EDIL3: variants seen among roughly 807,000 people sequenced by gnomAD.
The protein encoded by EDIL3 is EGF like and discoidin domains 3.
In EDIL3, 37 loss-of-function variants were observed where a neutral mutation model predicts 67.4. That is an observed-to-expected ratio of 0.55 (90% confidence interval 0.42 to 0.72). The LOEUF is 0.72. Ranked by LOEUF, EDIL3 falls within the 30% of genes least tolerant of loss-of-function variation. EDIL3 has a pLI of 0.00. For synonymous variants in EDIL3, 195 were observed against 196.3 expected (o/e 0.99, Z 0.05); for missense variants, 527 against 586.3 (o/e 0.90, Z 1.04).
intron 1 of EDIL3, among the ~76,000 whole-genome samples, chr5:84,290,382 C>A (rs1194277852): frequency 1.3e-5 from 2 of 152,150 alleles, no homozygotes; most frequent in African/African-American, 4.8e-5. Flanking sequence ...ACATCAATCT[C>A]CATTTCAGAC....
In EDIL3 at chr5:84,001,347, C is replaced by A. The variant is rs551840834; in HGVS notation, c.1138-37987G>T. 1.5e-4 allele frequency among the ~76,000 whole-genome samples: 23 copies of A among 152,178 alleles called. No homozygotes were observed. In the East Asian group the frequency reaches 3.7e-3, roughly 24 times the overall value. ...TCACAAAATGCTGGGTGGCTGTGAG[C>A]CACCGCACCTGGCCAAAACTTCAAA... On this transcript the variant is annotated intron_variant, in intron 9 of 10. Transcript: ENST00000296591.
At chr5:83,966,783 T>G (rs921318365) in intron 9 of EDIL3, among the ~76,000 whole-genome samples, 2 of 152,036 alleles carry the variant, frequency 1.3e-5, no homozygotes, top group Non-Finnish European at 1.5e-5. Flanking sequence ...ATGGAAGACT[T>G]TGGTAACATC....
In EDIL3 at chr5:84,356,742, G is replaced by T. The variant is rs146850850; in HGVS notation, c.67+27566C>A. ...TTCTGCCTACCACAATCAGATAAAT[G>T]CAGTGCTCTTATTTCTTCTTTCATG... On this transcript the variant is annotated intron_variant, in intron 1 of 10. Transcript: ENST00000296591. Among the ~76,000 whole-genome samples, 7 of 152,182 alleles carry T rather than the reference G, an allele frequency of 4.6e-5. No individual in the cohort carries two copies. In the East Asian group the frequency reaches 1.4e-3, roughly 29 times the overall value.
intron 4 of EDIL3, among the ~76,000 whole-genome samples, chr5:84,157,304 T>A (rs1036310485): frequency 1.3e-5 from 2 of 151,954 alleles, no homozygotes; most frequent in Non-Finnish European, 2.9e-5. Context: ...CCTGCACATG[T>A]ACCCCTGAAC....
At chr5:84,069,557 G>GT (rs201568029) in intron 6 of EDIL3, among the ~76,000 whole-genome samples, 78 of 150,584 alleles carry the variant, frequency 5.2e-4, no homozygotes, top group Admixed American at 9.9e-4. Flanking sequence ...TAAGTTTTTG[G>GT]TTTTTTTTTA....
chr5:84,040,094 T>C (rs1746092291), intron 9 of EDIL3, among the ~76,000 whole-genome samples: 1 of 152,198 alleles, frequency 6.6e-6, no homozygotes, highest in Non-Finnish European at 1.5e-5. Context: ...CAGATGGATT[T>C]GCCCATTGTC....
chr5:84,074,641 A>G (rs1306938805), intron 6 of EDIL3, among the ~76,000 whole-genome samples: 1 of 151,824 alleles, frequency 6.6e-6, no homozygotes, highest in East Asian at 1.9e-4. Flanking sequence ...AATCAAAACC[A>G]CAATGAGATA....
intron 9 of EDIL3, among the ~76,000 whole-genome samples, chr5:84,014,515 C>T (rs559559496): frequency 5.3e-5 from 8 of 152,154 alleles, no homozygotes; most frequent in East Asian, 1.9e-4. Context: ...CATGATGACA[C>T]GCGCCTGTAG....
chr5:84,253,511 G>T (rs72776577), intron 2 of EDIL3, among the ~76,000 whole-genome samples: 1 of 151,956 alleles, frequency 6.6e-6, no homozygotes, highest in African/African-American at 2.4e-5. Flanking sequence ...TACATATTTC[G>T]CAGATTTTTT....
chr5:84,196,721 C>A (rs1247942821), intron 3 of EDIL3, among the ~76,000 whole-genome samples: 1 of 152,024 alleles, frequency 6.6e-6, no homozygotes, highest in East Asian at 1.9e-4. Context: ...CGATCAAAAT[C>A]TGGAATTAGT....
At position 84,384,432 on chromosome 5, in the gene EDIL3, AG is replaced by A; in HGVS notation, c.-59del. On this transcript the variant is annotated 5_prime_UTR_variant, in exon 1 of 11. Transcript: ENST00000296591. ...CAGGGGTCGTCGCGGAGGGCAGTGTAGCCGAGGTGGCAGCGCAGGGCAGCAG... is the reference window on the plus strand; with the variant it reads ...CAGGGGTCGTCGCGGAGGGCAGTGTACCGAGGTGGCAGCGCAGGGCAGCAG... 6.3e-7 allele frequency: 1 copy of A among 1,585,858 alleles called. No homozygotes were observed. Among genetic ancestry groups the A allele is most frequent in the East Asian group, 2.3e-5 (1 of 44,366 alleles).
chr5:84,230,763 A>G (rs951106458), intron 2 of EDIL3, among the ~76,000 whole-genome samples: 9 of 137,130 alleles, frequency 6.6e-5, no homozygotes, highest in Non-Finnish European at 1.1e-4. Flanking sequence ...CCACTACGTG[A>G]TGTGTGTGTG....
At chr5:84,202,030 T>C (rs1743852575) in intron 3 of EDIL3, among the ~76,000 whole-genome samples, 1 of 152,196 alleles carries the variant, frequency 6.6e-6, no homozygotes, top group Admixed American at 6.5e-5. Context: ...GCTAGTCTAG[T>C]CATTAAGACT....
At chr5:84,271,147 T>G (rs1408476867) in intron 1 of EDIL3, among the ~76,000 whole-genome samples, 1 of 152,188 alleles carries the variant, frequency 6.6e-6, no homozygotes, top group Non-Finnish European at 1.5e-5. Context: ...ACATTATTAA[T>G]AAGTATTGTA....
chr5:83,994,774 T>G (rs893863052), intron 9 of EDIL3, among the ~76,000 whole-genome samples: 34 of 152,214 alleles, frequency 2.2e-4, no homozygotes, highest in African/African-American at 7.5e-4. Context: ...CAGTTTGTTT[T>G]TTAAGGAAAC....
At chr5:84,011,671 T>C (rs1745518912) in intron 9 of EDIL3, among the ~76,000 whole-genome samples, 1 of 152,172 alleles carries the variant, frequency 6.6e-6, no homozygotes, top group Admixed American at 6.6e-5. Flanking sequence ...TCTGACTTTC[T>C]CGCACTGCTC....
At chr5:84,088,685 A>T (rs570773372) in intron 6 of EDIL3, among the ~76,000 whole-genome samples, 1 of 152,208 alleles carries the variant, frequency 6.6e-6, no homozygotes, top group Non-Finnish European at 1.5e-5. Flanking sequence ...CATTAAGTAT[A>T]TAATAGAAGC....
At chr5:84,215,323 G>A (rs1233029396) in intron 3 of EDIL3, among the ~76,000 whole-genome samples, 4 of 151,542 alleles carry the variant, frequency 2.6e-5, no homozygotes, top group African/African-American at 4.9e-5. Flanking sequence ...GCACAATCTC[G>A]GCTCATTGCA....
At chr5:84,317,785 T>C (rs185559188) in intron 1 of EDIL3, among the ~76,000 whole-genome samples, 1 of 152,246 alleles carries the variant, frequency 6.6e-6, no homozygotes, top group East Asian at 1.9e-4. Context: ...CCACTCCTAT[T>C]CAACATAGTT....
Sources: gnomAD v4.1 joint callset for allele counts (sites outside exome capture counted in the v4.1 genomes callset) on GRCh38, gnomAD v4.1.1 for gene constraint, MANE v1.5 for transcripts, NCBI Gene and HGNC (gene_info 2026-07-23, HGNC 2026-07-21) for gene names.